ELMO1: variants seen among roughly 807,000 people sequenced by gnomAD.
The protein encoded by ELMO1 is engulfment and cell motility 1, also known as engulfment and cell motility protein 1.
A neutral mutation model predicts 98.9 loss-of-function variants in ELMO1; 26 were observed. That is an observed-to-expected ratio of 0.26 (90% CI 0.19 to 0.36). The LOEUF is 0.36. Ranked by LOEUF, ELMO1 falls within the 10% of genes least tolerant of loss-of-function variation. The pLI, the probability that ELMO1 is intolerant of heterozygous loss-of-function variation, is 1.00. For synonymous variants in ELMO1, 346 were observed against 346.0 expected (o/e 1.00, Z 0.00); for missense variants, 627 against 935.2 (o/e 0.67, Z 4.30).
intron 13 of ELMO1, among the ~76,000 whole-genome samples, chr7:37,138,995 G>A (rs1257990493): frequency 6.6e-6 from 1 of 152,192 alleles, no homozygotes; most frequent in African/African-American, 2.4e-5. Flanking sequence ...CTCAACAGAT[G>A]CAGAAAATGC....
intron 15 of ELMO1, among the ~76,000 whole-genome samples, chr7:37,023,860 A>G (rs115613094): frequency 0.043 from 6,478 of 152,246 alleles, 406 homozygotes; most frequent in African/African-American, 0.14. Flanking sequence ...CTGGGATTAC[A>G]GGCATGAGCC....
chr7:37,424,421 G>A (rs1804622722), intron 1 of ELMO1, among the ~76,000 whole-genome samples: 1 of 152,166 alleles, frequency 6.6e-6, no homozygotes, highest in Non-Finnish European at 1.5e-5. Context: ...AGGCTACATA[G>A]TTTAGAAAAT....
intron 13 of ELMO1, among the ~76,000 whole-genome samples, chr7:37,175,868 A>AAAACAAAACC (rs560864096): frequency 2.3e-4 from 35 of 152,202 alleles, no homozygotes; most frequent in African/African-American, 7.0e-4. Context: ...AAAACAAAAC[A>AAAACAAAACC]AAACCAACAA....
chr7:37,098,847 G>A (rs1784493983), intron 14 of ELMO1, among the ~76,000 whole-genome samples: 1 of 152,174 alleles, frequency 6.6e-6, no homozygotes. Context: ...CTGAAAAAAA[G>A]AAACAGAGCC....
At chr7:37,233,247 C>T in intron 7 of ELMO1, 53 bp from the exon 8 acceptor site, 1 of 1,505,544 alleles carries the variant, frequency 6.6e-7, no homozygotes, top group Non-Finnish European at 9.0e-7. Flanking sequence ...TGAGCAAAGA[C>T]ACAGAAGCAA....
At chr7:37,354,714 A>T (rs1801424706) in intron 1 of ELMO1, among the ~76,000 whole-genome samples, 1 of 152,112 alleles carries the variant, frequency 6.6e-6, no homozygotes, top group Non-Finnish European at 1.5e-5. Context: ...TCACTCGGTG[A>T]TGTGTGCAGA....
intron 1 of ELMO1, among the ~76,000 whole-genome samples, chr7:37,446,053 A>T (rs1197228076): frequency 6.6e-6 from 1 of 152,222 alleles, no homozygotes; most frequent in Non-Finnish European, 1.5e-5. Context: ...AGTCTAAAAG[A>T]AGAGTGGCCT....
At chr7:37,305,075 A>C (rs1009794439) in intron 4 of ELMO1, among the ~76,000 whole-genome samples, 3 of 152,222 alleles carry the variant, frequency 2.0e-5, no homozygotes, top group Admixed American at 1.3e-4. Context: ...ATGTAAGCCA[A>C]CAATTCTCTC....
At chr7:37,159,664 A>T (rs1584738750) in intron 13 of ELMO1, among the ~76,000 whole-genome samples, 1 of 152,086 alleles carries the variant, frequency 6.6e-6, no homozygotes, top group African/African-American at 2.4e-5. Flanking sequence ...ATGGCACTGC[A>T]CTCCGGCCAG....
intron 1 of ELMO1, among the ~76,000 whole-genome samples, chr7:37,397,652 A>G (rs903536040): frequency 2.0e-5 from 3 of 152,270 alleles, no homozygotes; most frequent in African/African-American, 7.2e-5. Context: ...ATTACTGGGT[A>G]TATACCCAAA....
intron 15 of ELMO1, among the ~76,000 whole-genome samples, chr7:37,077,208 A>T (rs1269230762): frequency 6.6e-6 from 1 of 152,236 alleles, no homozygotes; most frequent in Non-Finnish European, 1.5e-5. Context: ...AAAGATATGC[A>T]AATATGCAAT....
chr7:37,312,881 C>A (rs1185846353), intron 4 of ELMO1, among the ~76,000 whole-genome samples: 1 of 152,158 alleles, frequency 6.6e-6, no homozygotes, highest in African/African-American at 2.4e-5. Context: ...ACAAGCAACA[C>A]AGGAGATATA....
intron 16 of ELMO1, among the ~76,000 whole-genome samples, chr7:36,950,983 C>T (rs1308488621): frequency 6.6e-6 from 1 of 152,162 alleles, no homozygotes; most frequent in Non-Finnish European, 1.5e-5. Flanking sequence ...AATCATGATT[C>T]CCCCTCTCCA....
chr7:36,980,135 C>A (rs1790921339), intron 16 of ELMO1, among the ~76,000 whole-genome samples: 1 of 152,214 alleles, frequency 6.6e-6, no homozygotes, highest in Non-Finnish European at 1.5e-5. Flanking sequence ...CACGGAACAG[C>A]TGAGCAAGAG....
At chr7:37,412,646 C>G (rs1804042065) in intron 1 of ELMO1, among the ~76,000 whole-genome samples, 1 of 152,070 alleles carries the variant, frequency 6.6e-6, no homozygotes, top group African/African-American at 2.4e-5. Flanking sequence ...ATGCTCCTCC[C>G]CTTAAAAGGT....
At chr7:37,047,326 G>A (rs1791933869) in intron 15 of ELMO1, among the ~76,000 whole-genome samples, 1 of 152,170 alleles carries the variant, frequency 6.6e-6, no homozygotes. Context: ...TCTCTCTATA[G>A]CTGGTGTTTG....
intron 15 of ELMO1, among the ~76,000 whole-genome samples, chr7:37,024,856 T>C (rs888784979): frequency 2.0e-5 from 3 of 152,234 alleles, no homozygotes; most frequent in Non-Finnish European, 4.4e-5. Flanking sequence ...TGGTGAAATC[T>C]TATTTACTTA....
chr7:36,898,912 G>T (rs1806263914), intron 16 of ELMO1, among the ~76,000 whole-genome samples: 1 of 152,196 alleles, frequency 6.6e-6, no homozygotes, highest in African/African-American at 2.4e-5. Context: ...AAGGGGTCAG[G>T]TGTTCACTCC....
At chr7:36,887,502 C>A in intron 18 of ELMO1, 58 bp downstream of exon 18, 1 of 1,513,978 alleles carries the variant, frequency 6.6e-7, no homozygotes, top group South Asian at 1.1e-5. Flanking sequence ...TTGTGATTCT[C>A]CAGGGAGCGG....
Sources: gnomAD v4.1 joint callset for allele counts (sites outside exome capture counted in the v4.1 genomes callset) on GRCh38, gnomAD v4.1.1 for gene constraint, MANE v1.5 for transcripts, NCBI Gene and HGNC (gene_info 2026-07-23, HGNC 2026-07-21) for gene names.